Variants in MRPL37 observed in about 807,000 individuals in gnomAD.
The protein encoded by MRPL37 is large ribosomal subunit protein mL37.
In MRPL37, 34 loss-of-function variants were observed where a neutral mutation model predicts 44.1. That is an observed-to-expected ratio of 0.77 (90% confidence interval 0.59 to 1.03). MRPL37 has a LOEUF of 1.03. Among genes scored for constraint, MRPL37 ranks in the 50% least tolerant of loss-of-function variants. The probability of loss-of-function intolerance (pLI) is 0.00; values close to 1 mark genes in which losing one functional copy is unlikely to be tolerated. For synonymous variants in MRPL37, 212 were observed against 219.5 expected (o/e 0.97, Z 0.30); for missense variants, 532 against 543.7 (o/e 0.98, Z 0.21).
intron 4 of MRPL37, 142 bp from the exon 5 acceptor site, chr1:54,212,359 C>T: frequency 2.0e-6 from 2 of 1,019,406 alleles, no homozygotes; most frequent in Non-Finnish European, 2.9e-6. Context: ...TTTGCCAGCC[C>T]CCGAGCTATA....
At chr1:54,218,673 A>T (rs939741180), downstream of MRPL37, among the ~76,000 whole-genome samples, 1 of 152,240 alleles carries the variant, frequency 6.6e-6, no homozygotes, top group African/African-American at 2.4e-5. Flanking sequence ...ACATTCCACA[A>T]TGACTGCAGA....
downstream of MRPL37, chr1:54,220,522 A>G: frequency 2.6e-6 from 1 of 391,022 alleles, no homozygotes; most frequent in South Asian, 2.0e-5. Context: ...TATTGTCCCC[A>G]TGGAGATGAG....
At chr1:54,218,407 C>T, downstream of MRPL37, 2 of 1,487,404 alleles carry the variant, frequency 1.3e-6, no homozygotes, top group Non-Finnish European at 1.8e-6. Flanking sequence ...ATGAGGGTGC[C>T]ATCGGGAAGG....
chr1:54,201,210 G>C (rs923531499), intron 1 of MRPL37, among the ~76,000 whole-genome samples: 51 of 152,180 alleles, frequency 3.4e-4, no homozygotes, highest in African/African-American at 1.2e-3. Flanking sequence ...ATAGGGATGG[G>C]GCAGGTCTTG....
intron 3 of MRPL37, chr1:54,207,270 C>G (rs1036610931): frequency 2.6e-5 from 4 of 152,258 alleles, no homozygotes; most frequent in Non-Finnish European, 1.5e-5. Context: ...ATCTTACTCA[C>G]ATTGTCCACA....
intron 6 of MRPL37, among the ~76,000 whole-genome samples, 170 bp from the exon 7 acceptor site, chr1:54,218,001 TG>T (rs1644209327): frequency 6.6e-6 from 1 of 152,212 alleles, no homozygotes; most frequent in South Asian, 2.1e-4. Context: ...GAATGCTTCC[TG>T]TCCTCCCAGG....
intron 3 of MRPL37, among the ~76,000 whole-genome samples, chr1:54,207,101 C>T (rs185278035): frequency 3.9e-5 from 6 of 152,338 alleles, no homozygotes; most frequent in African/African-American, 7.2e-5. Flanking sequence ...AGACTTCACT[C>T]AAGCCCCCCT....
intron 6 of MRPL37, 117 bp downstream of exon 6, chr1:54,216,461 C>G (rs1166215901): frequency 8.3e-7 from 1 of 1,200,156 alleles, no homozygotes; most frequent in African/African-American, 1.5e-5. Flanking sequence ...CTGGGGACTT[C>G]CCACCCGGGA....
intron 1 of MRPL37, among the ~76,000 whole-genome samples, chr1:54,201,907 C>T (rs1346294210): frequency 2.6e-5 from 4 of 152,008 alleles, no homozygotes; most frequent in African/African-American, 9.7e-5. Context: ...TATCTATTGT[C>T]AAGTTTAAGG....
At chr1:54,225,272 AAC>A, downstream of MRPL37, 1 of 1,234,300 alleles carries the variant, frequency 8.1e-7, no homozygotes, top group Non-Finnish European at 1.0e-6. Context: ...ACTCCACAAG[AAC>A]ACAGAATTTG....
At chr1:54,205,987 T>G (rs1644118967) in intron 3 of MRPL37, among the ~76,000 whole-genome samples, 1 of 152,200 alleles carries the variant, frequency 6.6e-6, no homozygotes, top group Non-Finnish European at 1.5e-5. Context: ...CATCCCTAAA[T>G]TAGCCACTTT....
chr1:54,212,065 C>T (rs1028513166), intron 4 of MRPL37, among the ~76,000 whole-genome samples: 4 of 152,336 alleles, frequency 2.6e-5, no homozygotes, highest in South Asian at 4.1e-4. Context: ...ATAATTACCA[C>T]AGATTTCAAG....
downstream of MRPL37, among the ~76,000 whole-genome samples, chr1:54,221,364 A>C (rs957274724): frequency 6.6e-6 from 1 of 152,206 alleles, no homozygotes; most frequent in Non-Finnish European, 1.5e-5. Context: ...GAAAGCATGC[A>C]GGTGACCCGA....
downstream of MRPL37, among the ~76,000 whole-genome samples, chr1:54,223,086 C>T (rs1400423880): frequency 6.6e-6 from 1 of 152,232 alleles, no homozygotes; most frequent in African/African-American, 2.4e-5. Context: ...TCTGCGGCTC[C>T]GCAGGCACCC....
rs749961491 is a variant in MRPL37, at chr1:54,200,325, C to T, written c.82C>T (p.Arg28Cys). The change falls in exon 1 of 7, where the codon CGC becomes TGC. Residue 28 changes from arginine to cysteine, a missense_variant. Physicochemically the swap from Arg to Cys is radical, Grantham distance 180. Coordinates refer to ENST00000360840, the MANE Select transcript of MRPL37 (RefSeq NM_016491.4). ...CCTTGGGGGCTTCGGGGCCCCGAGA[C>T]GCGGGGCGTATGAGTGGGGCGTGCG... ...LGLGGFGAPR[R>C]GAYEWGVRST... is the part of the protein sequence containing the mutation. 5.5e-5 allele frequency: 89 copies of T among 1,613,594 alleles called. No individual in the cohort carries two copies. The highest frequency in any genetic ancestry group is 6.9e-5 in the Non-Finnish European group (81 of 1,179,904).
intron 5 of MRPL37, among the ~76,000 whole-genome samples, chr1:54,213,724 C>T (rs529375000): frequency 7.9e-5 from 12 of 152,342 alleles, no homozygotes; most frequent in African/African-American, 2.9e-4. Context: ...ACAAGCCCCC[C>T]AGTTATGCTG....
At chr1:54,213,521 C>T (rs1040640411) in intron 5 of MRPL37, among the ~76,000 whole-genome samples, 2 of 152,124 alleles carry the variant, frequency 1.3e-5, no homozygotes, top group Non-Finnish European at 2.9e-5. Flanking sequence ...CCAGATTGAG[C>T]ACCTGCTGCA....
At chr1:54,211,980 T>C (rs192500756) in intron 4 of MRPL37, among the ~76,000 whole-genome samples, 9 of 152,304 alleles carry the variant, frequency 5.9e-5, no homozygotes, top group African/African-American at 2.2e-4. Flanking sequence ...TGTGGGTCAG[T>C]TGTGAATGAT....
chr1:54,204,690 G>A (rs1352858650), intron 1 of MRPL37, among the ~76,000 whole-genome samples: 1 of 152,188 alleles, frequency 6.6e-6, no homozygotes, highest in Non-Finnish European at 1.5e-5. Flanking sequence ...TAGTACCATA[G>A]CCTAGGGTCT....
Sources: allele counts gnomAD v4.1 joint callset (sites outside exome capture counted in the v4.1 genomes callset), GRCh38; gene constraint gnomAD v4.1.1; transcripts MANE v1.5; gene names NCBI Gene and HGNC (gene_info 2026-07-23, HGNC 2026-07-21).